Variants in MAGI2 observed in about 807,000 individuals in gnomAD.
MAGI2 encodes membrane associated guanylate kinase, WW and PDZ domain containing 2, also known as membrane-associated guanylate kinase, WW and PDZ domain-containing protein 2.
In MAGI2, 35 loss-of-function variants were observed where a neutral mutation model predicts 133.3. The ratio of observed to expected loss-of-function variants is 0.26; its 90% CI spans 0.20 to 0.35. The LOEUF is 0.35. MAGI2 is among the 10% of genes least tolerant of loss of function. MAGI2 has a pLI of 1.00. For synonymous variants in MAGI2, 729 were observed against 710.6 expected (o/e 1.03, Z -0.41); for missense variants, 1,636 against 1,863.4 (o/e 0.88, Z 2.25).
chr7:78,631,389 C>T (rs1026278597), intron 2 of MAGI2, among the ~76,000 whole-genome samples: 10 of 152,266 alleles, frequency 6.6e-5, no homozygotes, highest in African/African-American at 2.4e-4. Context: ...CTGGACCAGG[C>T]GGTGGCTCTG....
chr7:78,557,944 T>C (rs1002024229), intron 3 of MAGI2, among the ~76,000 whole-genome samples: 1 of 151,208 alleles, frequency 6.6e-6, no homozygotes, highest in African/African-American at 2.4e-5. Context: ...GGCCTCTCTC[T>C]ACTGATCCTC....
At chr7:79,301,352 T>G (rs963046738) in intron 1 of MAGI2, among the ~76,000 whole-genome samples, 11 of 152,232 alleles carry the variant, frequency 7.2e-5, no homozygotes, top group African/African-American at 2.7e-4. Flanking sequence ...GCCAAGGCCT[T>G]GGAAGCTCAC....
chr7:79,327,544 A>G (rs911480202), intron 1 of MAGI2, among the ~76,000 whole-genome samples: 5 of 152,168 alleles, frequency 3.3e-5, no homozygotes, highest in Non-Finnish European at 7.4e-5. Flanking sequence ...GCAAAATAAA[A>G]TCATGACAGG....
chr7:78,501,495 TTTTTC>T, intron 5 of MAGI2, 77 bp downstream of exon 5: 18 of 1,239,078 alleles, frequency 1.5e-5, no homozygotes, highest in South Asian at 2.8e-5. Flanking sequence ...TTTTTTTTTT[TTTTTC>T]CACGTCTAAC....
intron 2 of MAGI2, among the ~76,000 whole-genome samples, chr7:78,793,646 T>A (rs1337197484): frequency 1.3e-5 from 2 of 152,134 alleles, no homozygotes; most frequent in African/African-American, 4.8e-5. Flanking sequence ...TTTAGAAAAC[T>A]CATGTGAGAA....
intron 6 of MAGI2, chr7:78,484,135 A>G (rs2150470794): frequency 6.6e-6 from 1 of 152,102 alleles, no homozygotes; most frequent in East Asian, 1.9e-4. Flanking sequence ...TGAAATATGA[A>G]CACAAAAGTA....
At chr7:78,040,810 G>C (rs1234534853) in intron 21 of MAGI2, among the ~76,000 whole-genome samples, 1 of 152,160 alleles carries the variant, frequency 6.6e-6, no homozygotes, top group Admixed American at 6.5e-5. Context: ...TTGTTGACTG[G>C]CACGGAAATA....
intron 10 of MAGI2, among the ~76,000 whole-genome samples, chr7:78,211,917 T>C (rs1341022528): frequency 6.6e-6 from 1 of 152,244 alleles, no homozygotes; most frequent in Non-Finnish European, 1.5e-5. Flanking sequence ...CATTGGAGTT[T>C]TCCAGTTCCT....
At chr7:78,243,772 C>T (rs1234461563) in intron 10 of MAGI2, among the ~76,000 whole-genome samples, 1 of 151,882 alleles carries the variant, frequency 6.6e-6, no homozygotes, top group Non-Finnish European at 1.5e-5. Context: ...ACAGGAAGCT[C>T]ACAAATTAAG....
chr7:79,045,832 A>C (rs1320799736), intron 1 of MAGI2, among the ~76,000 whole-genome samples: 1 of 152,154 alleles, frequency 6.6e-6, no homozygotes, highest in African/African-American at 2.4e-5. Context: ...TGGATGTGGC[A>C]ATGAAAGGGT....
In MAGI2 at chr7:78,516,166, T is replaced by C. The variant is rs149587826; in HGVS notation, c.754+5264A>G. On this transcript the variant is annotated intron_variant, in intron 4 of 21. Coordinates refer to ENST00000354212, the MANE Select transcript of MAGI2 (RefSeq NM_012301.4). ...TGTGGGAATGGTCTGATCACACAGGTGAAAATGTTTTGCGTGTGTAGTGTG... is the reference window on the plus strand; with the variant it reads ...TGTGGGAATGGTCTGATCACACAGGCGAAAATGTTTTGCGTGTGTAGTGTG... 2.5e-3 allele frequency among the ~76,000 whole-genome samples: 381 copies of C among 152,244 alleles called. 7 individuals are homozygous for C. The East Asian group carries it at 0.044, about 18-fold the overall frequency.
chr7:78,372,873 A>C (rs925551051), intron 6 of MAGI2, among the ~76,000 whole-genome samples: 25 of 152,314 alleles, frequency 1.6e-4, no homozygotes, highest in African/African-American at 5.3e-4. Context: ...TTCATTACAG[A>C]AAACAGAGAC....
intron 1 of MAGI2, among the ~76,000 whole-genome samples, chr7:79,430,805 C>T (rs1029425891): frequency 6.6e-6 from 1 of 152,278 alleles, no homozygotes; most frequent in African/African-American, 2.4e-5. Context: ...CCTAATCTAT[C>T]AGAGCCAATG....
intron 7 of MAGI2, among the ~76,000 whole-genome samples, chr7:78,367,337 T>C (rs570046689): frequency 5.9e-5 from 9 of 152,156 alleles, no homozygotes; most frequent in Non-Finnish European, 1.3e-4. Flanking sequence ...AGGTTTTAGT[T>C]AAATCCTCTC....
At chr7:78,994,666 C>T (rs1165494448) in intron 2 of MAGI2, among the ~76,000 whole-genome samples, 1 of 152,062 alleles carries the variant, frequency 6.6e-6, no homozygotes, top group Admixed American at 6.6e-5. Context: ...GAATTCTCCT[C>T]ATCCATTTAC....
chr7:78,228,424 T>C (rs1789626404), intron 10 of MAGI2, among the ~76,000 whole-genome samples: 3 of 152,182 alleles, frequency 2.0e-5, no homozygotes, highest in Admixed American at 6.5e-5. Flanking sequence ...TCTAGAATGG[T>C]TATGATGGGT....
chr7:79,070,540 G>A (rs1460128614), intron 1 of MAGI2, among the ~76,000 whole-genome samples: 2 of 151,616 alleles, frequency 1.3e-5, no homozygotes, highest in South Asian at 2.1e-4. Flanking sequence ...CACCCAGGCT[G>A]GAGTGCAGTG....
intron 1 of MAGI2, among the ~76,000 whole-genome samples, chr7:79,026,882 G>GA (rs34358830): frequency 0.59 from 88,187 of 149,544 alleles, 26,178 homozygotes; most frequent in East Asian, 0.63. Flanking sequence ...AAAGAAAAAA[G>GA]AAAAAAAAAT....
intron 2 of MAGI2, among the ~76,000 whole-genome samples, chr7:78,715,497 T>A (rs1319929599): frequency 3.3e-5 from 5 of 152,164 alleles, no homozygotes; most frequent in African/African-American, 1.2e-4. Flanking sequence ...TTAATCTCAA[T>A]CTACATGATA....
Sources: allele counts gnomAD v4.1 joint callset (sites outside exome capture counted in the v4.1 genomes callset), GRCh38; gene constraint gnomAD v4.1.1; transcripts MANE v1.5; gene names NCBI Gene and HGNC (gene_info 2026-07-23, HGNC 2026-07-21).